Variants in MYO5C observed in about 807,000 individuals in gnomAD.
The protein encoded by MYO5C is myosin VC.
In MYO5C, 194 loss-of-function variants were observed where a neutral mutation model predicts 235.7. The ratio of observed to expected loss-of-function variants is 0.82; its 90% CI spans 0.73 to 0.93. The LOEUF is 0.93. MYO5C is among the 40% of genes least tolerant of loss of function. The pLI, the probability that MYO5C is intolerant of heterozygous loss-of-function variation, is 0.00. For missense variants in MYO5C, 2,038 were observed against 2,127.2 expected (o/e 0.96, Z 0.82); for synonymous variants, 707 against 754.8 (o/e 0.94, Z 1.04).
At chr15:52,282,650 G>A (rs749395730) in intron 2 of MYO5C, 132 bp downstream of exon 2, 5 of 663,038 alleles carry the variant, frequency 7.5e-6, no homozygotes, top group African/African-American at 3.5e-5. Flanking sequence ...AGGCCATTTG[G>A]GAATGGTGCT....
In MYO5C at chr15:52,289,148, GCTC is replaced by G. The variant is rs201876040; in HGVS notation, c.28-6259_28-6257del. ...CCTCTCTTCCTCCTCCTCTTCATTC[GCTC>G]CTCATGGGCCCCTCCCCTGGCTCCC... On this transcript the variant is annotated intron_variant, in intron 1 of 40. Coordinates refer to ENST00000261839, the MANE Select transcript of MYO5C (RefSeq NM_018728.4). Among the ~76,000 whole-genome samples the G allele has an allele frequency of 2.3e-3, 343 of 151,706 alleles. 7 individuals carry two copies. The highest frequency in any genetic ancestry group is 0.02 in the South Asian group (94 of 4,764).
chr15:52,262,879 AC>A (rs1241018810), intron 9 of MYO5C, among the ~76,000 whole-genome samples: 1 of 152,092 alleles, frequency 6.6e-6, no homozygotes, highest in African/African-American at 2.4e-5. Context: ...TGAAGTCCTA[AC>A]CCCCAATGTG....
At chr15:52,252,447 T>C (rs1430433239) in intron 12 of MYO5C, among the ~76,000 whole-genome samples, 1 of 152,154 alleles carries the variant, frequency 6.6e-6, no homozygotes, top group East Asian at 1.9e-4. Context: ...ATGTGATTTT[T>C]TTTTTTTTGA....
Position 52,282,881 on chromosome 15 carries a change from G to C in MYO5C, c.39C>G (p.Val13=), listed in dbSNP as rs771887599. The C allele has an allele frequency of 6.2e-7, 1 of 1,612,272 alleles. No homozygotes were observed. The highest frequency in any genetic ancestry group is 8.5e-7 in the Non-Finnish European group (1 of 1,178,286). Residue 13 remains valine, a synonymous_variant, in exon 2 of 41, where the codon GTC becomes GTG. Transcript: ENST00000261839. ...AAACTTCTTCAGGATCGGGAATCCA[G>C]ACCCTGTTGTACTGACCAACAGGAT... ...VAELYTQYNR[V]WIPDPEEVWK...
intron 29 of MYO5C, 89 bp downstream of exon 29, chr15:52,223,453 CTT>C: frequency 7.9e-7 from 1 of 1,273,128 alleles, no homozygotes; most frequent in Non-Finnish European, 1.1e-6. Flanking sequence ...TATATCCACT[CTT>C]TTACTGCCAA....
chr15:52,282,071 C>T (rs2037171451), intron 2 of MYO5C, among the ~76,000 whole-genome samples: 2 of 152,226 alleles, frequency 1.3e-5, no homozygotes, highest in South Asian at 2.1e-4. Flanking sequence ...TCAGAAGCTG[C>T]GTCATCAGAA....
intron 40 of MYO5C, 108 bp downstream of exon 40, chr15:52,195,269 G>A (rs3751603): frequency 0.069 from 50,099 of 727,662 alleles, 5,154 homozygotes; most frequent in East Asian, 0.45. Context: ...ATTTGTATAT[G>A]TGGGTAAATG....
chr15:52,286,211 G>A (rs556286463), intron 1 of MYO5C, among the ~76,000 whole-genome samples: 30 of 151,766 alleles, frequency 2.0e-4, no homozygotes, highest in African/African-American at 6.3e-4. Flanking sequence ...CGCCCCGTCC[G>A]GGAGGGAGGT....
intron 21 of MYO5C, among the ~76,000 whole-genome samples, chr15:52,239,133 T>C (rs1327163735): frequency 1.3e-5 from 2 of 151,904 alleles, no homozygotes; most frequent in African/African-American, 2.4e-5. Context: ...GTATTTTTAG[T>C]AGAGACGGGA....
chr15:52,262,057 T>A (rs1391449462), intron 9 of MYO5C, among the ~76,000 whole-genome samples: 5 of 152,232 alleles, frequency 3.3e-5, no homozygotes, highest in African/African-American at 9.6e-5. Flanking sequence ...GGGAAGGGAC[T>A]GGCAGTGGCA....
intron 2 of MYO5C, among the ~76,000 whole-genome samples, chr15:52,280,457 C>T (rs2037142276): frequency 6.6e-6 from 1 of 152,234 alleles, no homozygotes; most frequent in African/African-American, 2.4e-5. Flanking sequence ...CCACAGATGA[C>T]TGGGCCTTTC....
intron 23 of MYO5C, among the ~76,000 whole-genome samples, chr15:52,235,290 G>A (rs952499174): frequency 9.2e-5 from 14 of 152,204 alleles, no homozygotes; most frequent in African/African-American, 3.1e-4. Context: ...TACCGTAAAG[G>A]TTTTCTAAAA....
intron 21 of MYO5C, among the ~76,000 whole-genome samples, chr15:52,238,798 C>T (rs2036147534): frequency 6.6e-6 from 1 of 151,656 alleles, no homozygotes; most frequent in Admixed American, 6.6e-5. Context: ...CCCGCCACCA[C>T]GCCCGGCTAA....
rs117933898 is a variant in MYO5C at position 52,219,524 on chromosome 15, C to T, written c.3785+235G>A. ...ATCAGTCACCAAGCCTGAAGGCAAC[C>T]AACTGCCTGGAGGCAACCAATGTTT... On this transcript the variant is annotated intron_variant, in intron 31 of 40. Transcript: ENST00000261839. Among the ~76,000 whole-genome samples, 733 of 152,320 alleles carry T rather than the reference C, an allele frequency of 4.8e-3. 14 individuals carry two copies. The highest frequency in any genetic ancestry group is 0.025 in the Admixed American group (390 of 15,302).
intron 4 of MYO5C, chr15:52,277,124 C>T (rs761132358): frequency 1.9e-6 from 1 of 514,142 alleles, no homozygotes; most frequent in South Asian, 1.4e-5. Flanking sequence ...AAATGACATG[C>T]TCAGTGTCCC....
intron 19 of MYO5C, chr15:52,243,402 G>A (rs370688533): frequency 6.6e-6 from 1 of 152,550 alleles, no homozygotes; most frequent in Non-Finnish European, 1.5e-5. Context: ...AATGGGAAGG[G>A]AGCGTGGCCT....
At chr15:52,270,906 C>A (rs1215860818) in intron 7 of MYO5C, among the ~76,000 whole-genome samples, 2 of 152,154 alleles carry the variant, frequency 1.3e-5, no homozygotes, top group Non-Finnish European at 2.9e-5. Context: ...TAGAAGTTAT[C>A]TCCAACAATT....
At chr15:52,221,633 C>T (rs889847745) in intron 29 of MYO5C, among the ~76,000 whole-genome samples, 2 of 152,202 alleles carry the variant, frequency 1.3e-5, no homozygotes, top group Admixed American at 1.3e-4. Flanking sequence ...CAAAGGGTCC[C>T]ACTGCTACTT....
In MYO5C at chr15:52,242,110, T is replaced by C; in HGVS notation, c.2494A>G (p.Met832Val). The C allele has an allele frequency of 6.2e-7, 1 of 1,614,172 alleles. No individual in the cohort carries two copies. The highest frequency in any genetic ancestry group is 8.5e-7 in the Non-Finnish European group (1 of 1,180,008). The change falls in exon 20 of 41, where the codon ATG (methionine) becomes GTG (valine). Residue 832 changes from methionine (M) to valine (V), a missense_variant. Physicochemically the swap from Met to Val is conservative, Grantham distance 21. Coordinates refer to ENST00000261839, the MANE Select transcript of MYO5C (RefSeq NM_018728.4). Reference sequence around the variant, plus strand: ...TAGGCCTGCATTGTGATGGTGGCCATGCGAATCAACTGATACAGGCTGCGA... The same window carrying C: ...TAGGCCTGCATTGTGATGGTGGCCACGCGAATCAACTGATACAGGCTGCGA... ...LVRSLYQLIR[M>V]ATITMQAYSR...
Sources: allele counts gnomAD v4.1 joint callset (sites outside exome capture counted in the v4.1 genomes callset), GRCh38; gene constraint gnomAD v4.1.1; transcripts MANE v1.5; gene names NCBI Gene and HGNC (gene_info 2026-07-23, HGNC 2026-07-21).